The following ALDH6A1 variants were observed in gnomAD, a reference collection of about 807,000 sequenced individuals.
The protein encoded by ALDH6A1 is aldehyde dehydrogenase 6 family member A1.
A neutral mutation model predicts 62.6 loss-of-function variants in ALDH6A1; 43 were observed. The ratio of observed to expected loss-of-function variants is 0.69; its 90% CI spans 0.54 to 0.89. The LOEUF is 0.89. Among genes scored for constraint, ALDH6A1 ranks in the 40% least tolerant of loss-of-function variants. ALDH6A1 has a pLI of 0.00. For missense variants in ALDH6A1, 551 were observed against 661.3 expected (o/e 0.83, Z 1.83); for synonymous variants, 194 against 234.2 (o/e 0.83, Z 1.57).
chr14:74,071,706 C>A, intron 5 of ALDH6A1, 190 bp downstream of exon 5: 3 of 1,477,246 alleles, frequency 2.0e-6, no homozygotes, highest in South Asian at 2.5e-5. Flanking sequence ...ACTGGAAGAT[C>A]ATTTGAGTAA....
Position 74,057,286 on chromosome 14 carries a change from T to G in ALDH6A1, c.*3356A>C. The G allele has an allele frequency of 6.2e-7, 1 of 1,613,930 alleles. No individual in the cohort carries two copies. The highest frequency in any genetic ancestry group is 8.5e-7 in the Non-Finnish European group (1 of 1,179,946). On this transcript the variant is annotated 3_prime_UTR_variant, in exon 12 of 12. Transcript: ENST00000553458. Reference sequence around the variant, plus strand: ...AAGGAGTCTGTATCTAATCAAACAATGTATATTGTTGTCACCCTTCCCCAT... The same window carrying G: ...AAGGAGTCTGTATCTAATCAAACAAGGTATATTGTTGTCACCCTTCCCCAT...
At chr14:74,078,662 G>T (rs565669527) in intron 1 of ALDH6A1, among the ~76,000 whole-genome samples, 1 of 152,112 alleles carries the variant, frequency 6.6e-6, no homozygotes, top group South Asian at 2.1e-4. Flanking sequence ...TGAGTAGCTG[G>T]GATTACAGGC....
At position 74,057,105 on chromosome 14, in the gene ALDH6A1, A is replaced by G. The variant is rs753249067; in HGVS notation, c.*3537T>C. The G allele has an allele frequency of 1.9e-6, 3 of 1,604,812 alleles. No individual in the cohort carries two copies. In the South Asian group the frequency reaches 3.3e-5, roughly 18 times the overall value. On this transcript the variant is annotated 3_prime_UTR_variant, in exon 12 of 12. Transcript: ENST00000553458. Reference sequence around the variant, plus strand: ...ATTCTAAACCAGGTTTCATGTGTGTAGAGTTGTTGACGGTTCTGTTATTTT... The same window carrying G: ...ATTCTAAACCAGGTTTCATGTGTGTGGAGTTGTTGACGGTTCTGTTATTTT...
At chr14:74,068,577 GA>G (rs1055276091) in intron 7 of ALDH6A1, among the ~76,000 whole-genome samples, 1 of 151,110 alleles carries the variant, frequency 6.6e-6, no homozygotes, top group Non-Finnish European at 1.5e-5. Flanking sequence ...TGTCTCTACT[GA>G]AAAAAAATAG....
chr14:74,062,861 T>A (rs2060377640), intron 11 of ALDH6A1, among the ~76,000 whole-genome samples: 2 of 152,196 alleles, frequency 1.3e-5, no homozygotes, highest in South Asian at 4.1e-4. Context: ...AACATGTAAT[T>A]TATTAATGAA....
Position 74,060,723 on chromosome 14 carries a change from T to C in ALDH6A1, c.1527A>G (p.Leu509=). 6.2e-7 allele frequency: 1 copy of C among 1,613,312 alleles called. No individual in the cohort carries two copies. The highest frequency in any genetic ancestry group is 8.5e-7 in the Non-Finnish European group (1 of 1,179,252). The part of the protein sequence containing the change: ...GKQGIQFYTQ[L]KTITSQWKEE... ...CTTTCCACTGAGAAGTAATGGTCTT[T>C]AACTGAGTGTAGAATTGGATGCCCT... Residue 509 remains leucine, a synonymous_variant, in exon 12 of 12, where the codon TTA becomes TTG. Coordinates refer to ENST00000553458, the MANE Select transcript of ALDH6A1 (RefSeq NM_005589.4).
chr14:74,068,755 A>G, intron 7 of ALDH6A1, 105 bp downstream of exon 7: 1 of 1,361,308 alleles, frequency 7.3e-7, no homozygotes, highest in Non-Finnish European at 1.0e-6. Flanking sequence ...AAAGAAAGAA[A>G]CACTGACATT....
Position 74,071,953 on chromosome 14 carries a change from T to C in ALDH6A1, c.370A>G (p.Thr124Ala). The change falls in exon 5 of 12, where the codon ACA (threonine) becomes GCA (alanine). Residue 124 changes from threonine to alanine, a missense_variant. Physicochemically the swap from Thr to Ala is moderately conservative, Grantham distance 58. Transcript: ENST00000553458. ...ENLKEIAKLI[T>A]LEQGKTLADA... ...GCTAGGGTCTTCCCTTGTTCCAATG[T>C]GATTAACTTGGCAATTTCTTTCTAG... The C allele has an allele frequency of 6.2e-7, 1 of 1,614,168 alleles. No homozygotes were observed. Among genetic ancestry groups the C allele is most frequent in the Non-Finnish European group, 8.5e-7 (1 of 1,179,980 alleles).
intron 6 of ALDH6A1, chr14:74,069,379 G>C: frequency 3.5e-6 from 1 of 289,548 alleles, no homozygotes; most frequent in Non-Finnish European, 6.7e-6. Flanking sequence ...TGGGATTACA[G>C]GTGTGAGCCA....
chr14:74,063,866 A>C (rs1191586742), intron 11 of ALDH6A1, among the ~76,000 whole-genome samples: 1 of 33,848 alleles, frequency 3.0e-5, no homozygotes. Context: ...ACTCTGTCTC[A>C]AAAAAAAAAA....
intron 1 of ALDH6A1, 59 bp from the exon 2 acceptor site, chr14:74,075,076 A>G (rs2060597305): frequency 2.0e-6 from 3 of 1,519,446 alleles, no homozygotes; most frequent in Non-Finnish European, 2.7e-6. Flanking sequence ...TTTAAAATTT[A>G]GCAAATAGCT....
At chr14:74,080,361 ACT>A (rs2060658219) in intron 1 of ALDH6A1, among the ~76,000 whole-genome samples, 1 of 135,170 alleles carries the variant, frequency 7.4e-6, no homozygotes, top group Admixed American at 7.8e-5. Context: ...CTAATGTTAA[ACT>A]CTTTCTTTTT....
In ALDH6A1 at chr14:74,072,228, TA is replaced by T; in HGVS notation, c.322del (p.Tyr108IlefsTer9). The T allele has an allele frequency of 1.9e-6, 3 of 1,614,238 alleles. No homozygotes were observed. In the South Asian group the frequency reaches 3.3e-5, roughly 18 times the overall value. ...CAAGTTTTCTTTAATAAGTTGTTGA[TA>T]GCGGAGCAAGACCTGCTGGCGGCTT... ...VLSRQQVLLR[Y>X]QQLIKENLKE... On this transcript the variant is annotated frameshift_variant, in exon 4 of 12. Transcript: ENST00000553458. LOFTEE classifies it high-confidence loss of function.
In ALDH6A1 at chr14:74,072,256, A is replaced by G; in HGVS notation, c.295T>C (p.Leu99=). ...AFPAWADTSV[L]SRQQVLLRYQ... ...CGGAGCAAGACCTGCTGGCGGCTTA[A>G]TACTGAAGTGTCTGCCCATGCAGGA... is the stretch of plus-strand genomic sequence containing the variant. The change falls in exon 4 of 12, where the codon TTA becomes CTA. Residue 99 remains leucine (L), a synonymous_variant. Transcript: ENST00000553458. 6.2e-7 allele frequency: 1 copy of G among 1,614,258 alleles called. No homozygotes were observed. The highest frequency in any genetic ancestry group is 1.1e-5 in the South Asian group (1 of 91,088).
Position 74,066,681 on chromosome 14 carries a change from A to G in ALDH6A1, c.1224+24T>C, listed in dbSNP as rs755488626. 1.8e-5 allele frequency: 29 copies of G among 1,609,944 alleles called. 1 individual carries two copies. In the South Asian group the frequency reaches 3.0e-4, roughly 16 times the overall value. On this transcript the variant is annotated intron_variant, in intron 9 of 11. Transcript: ENST00000553458. ...CCTTTAAGGTGCCTTCAGCTCTCAT[A>G]TTTGTGAAGTGAAAGTTGTTCACCT...
Position 74,060,484 on chromosome 14 carries a change from C to G in ALDH6A1, c.*158G>C. 2.9e-6 allele frequency: 2 copies of G among 683,606 alleles called. No homozygotes were observed. The highest frequency in any genetic ancestry group is 3.1e-5 in the South Asian group (2 of 64,072). The allele number at this position is 683,606 out of a possible 1,614,324, so 42.3% of individuals were successfully genotyped here. A position where few individuals can be genotyped will look rare whatever the true frequency, so the allele number is the denominator to read the frequency against. ...GTTTCATTGTTACACTAGGCAGTTC[C>G]CTATAGAAACTTTGCGGGGGTTAAT... On this transcript the variant is annotated 3_prime_UTR_variant, in exon 12 of 12. Transcript: ENST00000553458.
chr14:74,072,669 ATTGCT>A, intron 2 of ALDH6A1, 58 bp from the exon 3 acceptor site: 1 of 1,579,046 alleles, frequency 6.3e-7, no homozygotes, highest in Non-Finnish European at 8.6e-7. Flanking sequence ...GTATTAGCTA[ATTGCT>A]TTGCTTTTCC....
At chr14:74,062,057 A>G (rs1595106529) in intron 11 of ALDH6A1, among the ~76,000 whole-genome samples, 2 of 133,096 alleles carry the variant, frequency 1.5e-5, no homozygotes, top group East Asian at 2.0e-4. Flanking sequence ...CTGGGAAAAA[A>G]AAAAAAAAAA....
rs116556894 is a variant in ALDH6A1 at position 74,081,896 on chromosome 14, C to T, written c.48+2451G>A. Among the ~76,000 whole-genome samples, 1,053 of 152,246 alleles carry T rather than the reference C, an allele frequency of 6.9e-3. 15 individuals are homozygous for T. The highest frequency in any genetic ancestry group is 0.024 in the African/African-American group (1,013 of 41,542). ...TAACCATATCACCGACAGTGCAAGT[C>T]GCTACATCTCTTCAAGAGTAATTTT... is the stretch of plus-strand genomic sequence containing the variant. On this transcript the variant is annotated intron_variant, in intron 1 of 11. Transcript: ENST00000553458.
Sources: gnomAD v4.1 joint callset for allele counts (sites outside exome capture counted in the v4.1 genomes callset) on GRCh38, gnomAD v4.1.1 for gene constraint, MANE v1.5 for transcripts, NCBI Gene and HGNC (gene_info 2026-07-23, HGNC 2026-07-21) for gene names.